The following FAM135B variants were observed in gnomAD, a reference collection of about 807,000 sequenced individuals.
FAM135B encodes family with sequence similarity 135 member B, also known as protein FAM135B.
A neutral mutation model predicts 127.7 loss-of-function variants in FAM135B; 43 were observed. The ratio of observed to expected loss-of-function variants is 0.34; its 90% CI spans 0.26 to 0.43. FAM135B has a LOEUF of 0.43. FAM135B is among the 20% of genes least tolerant of loss of function. FAM135B has a pLI of 1.00. For missense variants in FAM135B, 1,558 were observed against 1,725.6 expected, an observed-to-expected ratio of 0.90 and a Z score of 1.72; for synonymous variants, 670 against 665.1, an observed-to-expected ratio of 1.01 and a Z score of -0.11.
At position 138,242,987 on chromosome 8, in the gene FAM135B, T is replaced by G. The variant is rs530701145; in HGVS notation, c.624A>C (p.Glu208Asp). The G allele has an allele frequency of 1.2e-6, 2 of 1,613,992 alleles. No individual in the cohort carries two copies. Among genetic ancestry groups the G allele is most frequent in the African/African-American group, 1.3e-5 (1 of 75,050 alleles). Residue 208 changes from glutamate (E) to aspartate (D), a missense_variant, in exon 7 of 20, where the codon GAA (glutamate) becomes GAC (aspartate). Physicochemically the swap from Glu to Asp is conservative, Grantham distance 45 (BLOSUM62 2). Transcript: ENST00000395297. This position sits in a 1 kb window ranked among gnomAD's most constrained non-coding sequence, Gnocchi z 9.6. ...AGTACCCAGCTCCAAAGACCAAGTTTTCCAGAGAAATGATAGACTGTTCTT... is the reference window on the plus strand; with the variant it reads ...AGTACCCAGCTCCAAAGACCAAGTTGTCCAGAGAAATGATAGACTGTTCTT... ...TGQEQSIISL[E>D]NLVFGAGYCK... is the part of the protein sequence containing the mutation.
intron 19 of FAM135B, among the ~76,000 whole-genome samples, chr8:138,134,709 T>C (rs1448713627): frequency 6.6e-6 from 1 of 152,158 alleles, no homozygotes; most frequent in Non-Finnish European, 1.5e-5. Flanking sequence ...GTGATAATCA[T>C]GTATAAACTA....
At chr8:138,147,057 GCCCATACGCC>G (rs1817715770) in intron 14 of FAM135B, among the ~76,000 whole-genome samples, 1 of 152,156 alleles carries the variant, frequency 6.6e-6, no homozygotes, top group Non-Finnish European at 1.5e-5. Flanking sequence ...ACTCAGATAT[GCCCATACGCC>G]CCCTATGTTG....
intron 7 of FAM135B, among the ~76,000 whole-genome samples, chr8:138,199,676 G>A (rs1001831796): frequency 6.6e-6 from 1 of 152,294 alleles, no homozygotes; most frequent in Middle Eastern, 3.4e-3. Flanking sequence ...TAGCTGGGGA[G>A]GCCTCAGGAA....
rs192009023 is a variant in FAM135B, at chr8:138,492,612, G to A, written c.-20+4059C>T. Among the ~76,000 whole-genome samples, 9 of 152,096 alleles carry A rather than the reference G, an allele frequency of 5.9e-5. No individual in the cohort carries two copies. In the East Asian group the frequency reaches 9.7e-4, roughly 16 times the overall value. ...ACCCTACCATCTCCCAAGCCTCAAC[G>A]GACACCACCTCACCCCTTGGCCTCT... is the stretch of plus-strand genomic sequence containing the variant. On this transcript the variant is annotated intron_variant, in intron 1 of 19. Transcript: ENST00000395297.
intron 1 of FAM135B, among the ~76,000 whole-genome samples, chr8:138,455,896 C>T (rs1207295089): frequency 2.5e-5 from 3 of 121,610 alleles, no homozygotes; most frequent in Admixed American, 8.1e-5. Context: ...GTTATGTGCA[C>T]AAGTTCTGAA....
intron 1 of FAM135B, among the ~76,000 whole-genome samples, chr8:138,398,175 C>A (rs926804587): frequency 6.6e-6 from 1 of 152,154 alleles, no homozygotes; most frequent in Non-Finnish European, 1.5e-5. Flanking sequence ...ATGGCACCAC[C>A]ACCCAGCACC....
At chr8:138,143,637 C>A (rs901727363) in intron 15 of FAM135B, among the ~76,000 whole-genome samples, 2 of 152,150 alleles carry the variant, frequency 1.3e-5, no homozygotes, top group African/African-American at 4.8e-5. Flanking sequence ...AGGAGGAATG[C>A]CACACATGTC....
At chr8:138,265,130 C>T (rs1440657135) in intron 4 of FAM135B, among the ~76,000 whole-genome samples, 2 of 152,166 alleles carry the variant, frequency 1.3e-5, no homozygotes, top group African/African-American at 2.4e-5. Context: ...TTGTTCGATG[C>T]CCTTCCTCTT....
chr8:138,174,216 T>G (rs1279609267), intron 11 of FAM135B, among the ~76,000 whole-genome samples: 1 of 152,226 alleles, frequency 6.6e-6, no homozygotes, highest in Non-Finnish European at 1.5e-5. Flanking sequence ...ACCCATTGTT[T>G]GAGAAACACA....
chr8:138,348,335 A>G, intron 2 of FAM135B, among the ~76,000 whole-genome samples: 1 of 151,840 alleles, frequency 6.6e-6, no homozygotes, highest in East Asian at 1.9e-4. Context: ...GGGTTTCTCC[A>G]TGTTGGGCAG....
intron 3 of FAM135B, among the ~76,000 whole-genome samples, chr8:138,269,510 G>A (rs1273141983): frequency 3.9e-5 from 6 of 152,178 alleles, no homozygotes; most frequent in Non-Finnish European, 8.8e-5. Context: ...CTGAGGTCTG[G>A]ACTGTGTGAA....
intron 12 of FAM135B, among the ~76,000 whole-genome samples, chr8:138,159,345 G>A (rs1563707556): frequency 6.7e-6 from 1 of 149,026 alleles, no homozygotes; most frequent in African/African-American, 2.5e-5. Flanking sequence ...GAAAGACTTG[G>A]AACCAACCCA....
At chr8:138,148,801 T>A (rs1586601197) in intron 13 of FAM135B, 115 bp from the exon 14 acceptor site, 1 of 676,342 alleles carries the variant, frequency 1.5e-6, no homozygotes, top group African/African-American at 1.8e-5. Flanking sequence ...GCCTGCTGAG[T>A]GGCAAAGCTG....
At position 138,370,501 on chromosome 8, in the gene FAM135B, G is replaced by C. The variant is rs570125487; in HGVS notation, c.-19-2499C>G. Among the ~76,000 whole-genome samples the C allele has an allele frequency of 2.0e-5, 3 of 152,164 alleles. No individual in the cohort carries two copies. The South Asian group carries it at 6.2e-4, about 32-fold the overall frequency. ...GAGTCTCGCACTGTCACCCAGGCTG[G>C]AGTGCAGTGGCTCCATCTCGGCTCA... On this transcript the variant is annotated intron_variant, in intron 1 of 19. Transcript: ENST00000395297.
intron 4 of FAM135B, among the ~76,000 whole-genome samples, chr8:138,264,819 T>A (rs1314395103): frequency 6.6e-6 from 1 of 152,128 alleles, no homozygotes; most frequent in Non-Finnish European, 1.5e-5. Context: ...AGATAATAGA[T>A]GCCCAATAGG....
chr8:138,316,565 T>TA (rs1427142253), intron 2 of FAM135B, among the ~76,000 whole-genome samples: 2 of 152,050 alleles, frequency 1.3e-5, no homozygotes, highest in East Asian at 1.9e-4. Flanking sequence ...ATGACTAAAA[T>TA]AAAAAACATT....
At position 138,151,402 on chromosome 8, in the gene FAM135B, G is replaced by C. The variant is rs371518373; in HGVS notation, c.3073C>G (p.Leu1025Val). The change falls in exon 13 of 20, where the codon CTG (leucine) becomes GTG (valine). Residue 1025 changes from leucine (L) to valine (V), a missense_variant. Around this residue, in one of 5 missense-constraint regions of FAM135B, gnomAD observed 923 missense variants for 865.3 expected, o/e 1.07. Transcript: ENST00000395297. Reference protein sequence around the residue: ...TSAETFTLDSLKAVEVVNLSV... With the variant: ...TSAETFTLDSVKAVEVVNLSV... ...AAGTTCACAACCTCCACAGCCTTCAGGCTGTCCAGAGTAAAGGTCTCTGCA... is the reference window on the plus strand; with the variant it reads ...AAGTTCACAACCTCCACAGCCTTCACGCTGTCCAGAGTAAAGGTCTCTGCA... 6.2e-7 allele frequency: 1 copy of C among 1,613,944 alleles called. No homozygotes were observed. Among genetic ancestry groups the C allele is most frequent in the African/African-American group, 1.3e-5 (1 of 75,062 alleles).
chr8:138,314,565 AATGCAGTCTCTATT>A, intron 2 of FAM135B, among the ~76,000 whole-genome samples: 1 of 152,200 alleles, frequency 6.6e-6, no homozygotes, highest in East Asian at 1.9e-4. Context: ...ACAGAGTATC[AATGCAGTCTCTATT>A]AAAATGCCAG....
intron 1 of FAM135B, among the ~76,000 whole-genome samples, chr8:138,384,364 T>G (rs13281484): frequency 0.59 from 89,626 of 151,376 alleles, 27,574 homozygotes; most frequent in African/African-American, 0.74. Context: ...ATTTATTTAT[T>G]TATTTATTTA....
Sources: allele counts gnomAD v4.1 joint callset (sites outside exome capture counted in the v4.1 genomes callset), GRCh38; gene constraint gnomAD v4.1.1; regional missense constraint gnomAD v4.1.1; non-coding constraint Gnocchi (gnomAD v3.1); transcripts MANE v1.5; gene names NCBI Gene and HGNC (gene_info 2026-07-23, HGNC 2026-07-21).